Variants in LRRC4C observed in about 807,000 individuals in gnomAD.
LRRC4C encodes the protein leucine rich repeat containing 4C.
In LRRC4C, 5 loss-of-function variants were observed where a neutral mutation model predicts 33.6. The observed-to-expected ratio is 0.15, with a 90% CI of 0.08 to 0.31. The LOEUF is 0.31. LRRC4C is among the 10% of genes least tolerant of loss of function. The probability of loss-of-function intolerance (pLI) is 1.00; values close to 1 mark genes in which losing one functional copy is unlikely to be tolerated. For missense variants in LRRC4C, 560 were observed against 796.7 expected (o/e 0.70, Z 3.58); for synonymous variants, 329 against 302.0 (o/e 1.09, Z -0.93).
At chr11:41,363,484 T>G (rs1241008787) in intron 1 of LRRC4C, among the ~76,000 whole-genome samples, 3 of 152,210 alleles carry the variant, frequency 2.0e-5, no homozygotes, top group South Asian at 4.1e-4. Context: ...TGAATACCCC[T>G]GTTGAATCAA....
intron 3 of LRRC4C, among the ~76,000 whole-genome samples, chr11:40,368,738 T>C (rs538361233): frequency 1.3e-5 from 2 of 152,190 alleles, no homozygotes; most frequent in African/African-American, 2.4e-5. Context: ...TGTTTTGCCA[T>C]ACAAAGATAA....
At chr11:40,520,468 T>G (rs1348211277) in intron 3 of LRRC4C, among the ~76,000 whole-genome samples, 1 of 152,146 alleles carries the variant, frequency 6.6e-6, no homozygotes, top group Non-Finnish European at 1.5e-5. Context: ...TAAATATTAT[T>G]CTATTTCAGA....
chr11:40,793,988 A>G (rs1950724850), intron 2 of LRRC4C, among the ~76,000 whole-genome samples: 2 of 152,082 alleles, frequency 1.3e-5, no homozygotes, highest in African/African-American at 4.8e-5. Flanking sequence ...AACTCACTAG[A>G]CTTCATATAA....
At position 40,218,621 on chromosome 11, in the gene LRRC4C, TG is replaced by T. The variant is rs1167667772; in HGVS notation, c.-96+22897del. Among the ~76,000 whole-genome samples, 97 of 142,068 alleles carry T rather than the reference TG, an allele frequency of 6.8e-4. 3 individuals are homozygous for T. Among genetic ancestry groups the T allele is most frequent in the African/African-American group, 1.4e-3 (51 of 35,862 alleles). 93.2% of individuals were successfully genotyped at this position (142,068 alleles called of 152,430 possible). A position where few individuals can be genotyped will look rare whatever the true frequency, so the allele number is the denominator to read the frequency against. ...ATGTATGTATGTATGTATGTATGTA[TG>T]TATGTATGTATGTATCTATTTATCT... On this transcript the variant is annotated intron_variant, in intron 5 of 6. Transcript: ENST00000528697.
intron 1 of LRRC4C, among the ~76,000 whole-genome samples, chr11:41,034,611 A>G (rs1185483391): frequency 1.1e-4 from 3 of 27,296 alleles, no homozygotes; most frequent in Middle Eastern, 0.021. Flanking sequence ...GGTGACGTAT[A>G]TATATATATA....
intron 1 of LRRC4C, among the ~76,000 whole-genome samples, chr11:41,396,386 A>G (rs935018171): frequency 6.6e-6 from 1 of 152,018 alleles, no homozygotes; most frequent in African/African-American, 2.4e-5. Flanking sequence ...ATTAAAGTGC[A>G]GAGTTTAGAT....
chr11:40,747,832 G>C (rs1354218472), intron 2 of LRRC4C, among the ~76,000 whole-genome samples: 1 of 152,074 alleles, frequency 6.6e-6, no homozygotes, highest in African/African-American at 2.4e-5. Flanking sequence ...CTCAGAATTT[G>C]AAGACAGTTC....
chr11:40,426,165 C>T (rs1207429528), intron 3 of LRRC4C, among the ~76,000 whole-genome samples: 1 of 151,976 alleles, frequency 6.6e-6, no homozygotes, highest in Admixed American at 6.6e-5. Flanking sequence ...AGTTGCATGC[C>T]ACTATGCCCG....
At chr11:40,223,711 C>G (rs1465312170) in intron 5 of LRRC4C, among the ~76,000 whole-genome samples, 1 of 152,138 alleles carries the variant, frequency 6.6e-6, no homozygotes, top group Non-Finnish European at 1.5e-5. Flanking sequence ...AGACAAAATA[C>G]CAATAAAAGG....
intron 1 of LRRC4C, among the ~76,000 whole-genome samples, chr11:41,048,850 G>A (rs951597700): frequency 4.6e-5 from 7 of 152,168 alleles, no homozygotes; most frequent in Non-Finnish European, 8.8e-5. Context: ...GACTCTGCTA[G>A]GGGAACAATG....
intron 3 of LRRC4C, among the ~76,000 whole-genome samples, chr11:40,478,030 G>A (rs946679730): frequency 1.1e-4 from 17 of 152,144 alleles, no homozygotes; most frequent in African/African-American, 3.4e-4. Flanking sequence ...TGTCATCCAC[G>A]TAAGACATGA....
At chr11:40,473,515 T>C (rs561821305) in intron 3 of LRRC4C, among the ~76,000 whole-genome samples, 4 of 152,036 alleles carry the variant, frequency 2.6e-5, no homozygotes, top group Non-Finnish European at 5.9e-5. Context: ...GGCAAAAAAC[T>C]GGAAGCATTC....
chr11:40,606,260 A>G (rs966362336), intron 3 of LRRC4C, among the ~76,000 whole-genome samples: 5 of 152,194 alleles, frequency 3.3e-5, no homozygotes, highest in African/African-American at 1.2e-4. Flanking sequence ...GAGAAGTTAG[A>G]GTACTGCAGA....
At chr11:40,207,355 T>C (rs1487221717) in intron 5 of LRRC4C, among the ~76,000 whole-genome samples, 3 of 152,138 alleles carry the variant, frequency 2.0e-5, no homozygotes, top group African/African-American at 7.2e-5. Flanking sequence ...CCTAGCACTT[T>C]GGGGAGCTGA....
intron 5 of LRRC4C, among the ~76,000 whole-genome samples, chr11:40,214,733 C>G (rs1460305434): frequency 6.6e-6 from 1 of 152,144 alleles, no homozygotes; most frequent in Admixed American, 6.5e-5. Context: ...CTCCCAGCCT[C>G]CAGAACTGTA....
At chr11:41,322,168 T>G (rs564097707) in intron 1 of LRRC4C, among the ~76,000 whole-genome samples, 1 of 152,090 alleles carries the variant, frequency 6.6e-6, no homozygotes, top group Non-Finnish European at 1.5e-5. Context: ...CCTGGCCTTA[T>G]GTTAAACTGT....
At chr11:41,282,541 A>G (rs1354387066) in intron 1 of LRRC4C, among the ~76,000 whole-genome samples, 2 of 152,202 alleles carry the variant, frequency 1.3e-5, no homozygotes, top group South Asian at 2.1e-4. Flanking sequence ...CATTACTTCA[A>G]AAGTCTGAAT....
chr11:40,699,323 G>C (rs946280592), intron 2 of LRRC4C, among the ~76,000 whole-genome samples: 1 of 152,130 alleles, frequency 6.6e-6, no homozygotes, highest in African/African-American at 2.4e-5. Flanking sequence ...ACGCCAAATG[G>C]CTAAACAGAG....
At chr11:41,457,968 G>A (rs1956220553) in intron 1 of LRRC4C, among the ~76,000 whole-genome samples, 1 of 152,008 alleles carries the variant, frequency 6.6e-6, no homozygotes, top group African/African-American at 2.4e-5. Context: ...TTGTTTGTTT[G>A]CTTGTTTTCT....
Sources: allele counts gnomAD v4.1 joint callset (sites outside exome capture counted in the v4.1 genomes callset), GRCh38; gene constraint gnomAD v4.1.1; transcripts MANE v1.5; gene names NCBI Gene and HGNC (gene_info 2026-07-23, HGNC 2026-07-21).